TMEM131: variants seen among roughly 807,000 people sequenced by gnomAD.
The protein encoded by TMEM131 is transmembrane protein 131.
TMEM131 carries 66 observed loss-of-function variants against 211.6 expected under a neutral mutation model. The observed-to-expected ratio is 0.31, with a 90% CI of 0.26 to 0.38. The LOEUF (loss-of-function observed/expected upper bound fraction) is 0.38. TMEM131 is among the 10% of genes least tolerant of loss of function. TMEM131 has a pLI of 1.00. For synonymous variants in TMEM131, 844 were observed against 841.3 expected (o/e 1.00, Z -0.06); for missense variants, 2,036 against 2,299.3 (o/e 0.89, Z 2.34).
At chr2:97,881,566 CCCT>C (rs1310048600) in intron 4 of TMEM131, among the ~76,000 whole-genome samples, 10 of 151,896 alleles carry the variant, frequency 6.6e-5, no homozygotes, top group Admixed American at 5.2e-4. Flanking sequence ...AGTTGACCTG[CCCT>C]CCTGTTACAG....
rs747324033 is a variant in TMEM131 at position 97,772,382 on chromosome 2, G to T, written c.4363C>A (p.His1455Asn). The change falls in exon 33 of 41, where the codon CAT becomes AAT. Residue 1455 changes from histidine (H) to asparagine (N), a missense_variant. His to Asn is a moderately conservative substitution (Grantham distance 68, BLOSUM62 1). Transcript: ENST00000186436. The stretch of plus-strand genomic sequence containing the variant: ...TTCACTTGAGACATTTCACTTTCAT[G>T]TTTTTCAGGCATGGCTTGTTTTCCC... The part of the protein sequence containing the change: ...QKGKQAMPEK[H>N]ESEMSQVKQK... The T allele has an allele frequency of 6.2e-7, 1 of 1,609,998 alleles. No homozygotes were observed. Among genetic ancestry groups the T allele is most frequent in the South Asian group, 1.1e-5 (1 of 89,594 alleles).
intron 3 of TMEM131, among the ~76,000 whole-genome samples, chr2:97,903,795 T>C (rs946864866): frequency 4.6e-5 from 7 of 152,170 alleles, no homozygotes; most frequent in Non-Finnish European, 1.0e-4. Flanking sequence ...GCAATTCTCC[T>C]GTCACAGCCT....
chr2:97,802,292 T>C (rs964565624), intron 24 of TMEM131, 136 bp downstream of exon 24: 1 of 733,914 alleles, frequency 1.4e-6, no homozygotes. Flanking sequence ...CCTAAAACCT[T>C]CTCTCAACCT....
intron 6 of TMEM131, among the ~76,000 whole-genome samples, chr2:97,842,974 GAC>G (rs1447835027): frequency 6.6e-6 from 1 of 151,140 alleles, no homozygotes; most frequent in African/African-American, 2.4e-5. Context: ...ATAAGCAGAA[GAC>G]ACAGTCCTTA....
intron 5 of TMEM131, among the ~76,000 whole-genome samples, chr2:97,855,368 C>A (rs886380670): frequency 6.6e-6 from 1 of 152,140 alleles, no homozygotes; most frequent in Non-Finnish European, 1.5e-5. Flanking sequence ...TATTAATATA[C>A]CCAAATAAAT....
At chr2:97,796,119 C>T in intron 28 of TMEM131, 99 bp downstream of exon 28, 1 of 617,778 alleles carries the variant, frequency 1.6e-6, no homozygotes, top group Non-Finnish European at 2.6e-6. Context: ...CAAATGAATG[C>T]ATTTGTGGAT....
intron 4 of TMEM131, among the ~76,000 whole-genome samples, chr2:97,870,773 G>C (rs759349916): frequency 6.6e-6 from 1 of 152,218 alleles, no homozygotes; most frequent in Non-Finnish European, 1.5e-5. Context: ...TGGGCAGGAA[G>C]TCGGGTCAAA....
At chr2:97,783,923 A>G (rs929106072) in intron 31 of TMEM131, among the ~76,000 whole-genome samples, 2 of 152,024 alleles carry the variant, frequency 1.3e-5, no homozygotes, top group African/African-American at 4.8e-5. Context: ...AAAATCATGG[A>G]AACATTAATT....
intron 1 of TMEM131, among the ~76,000 whole-genome samples, chr2:97,980,850 A>G (rs1679756173): frequency 6.6e-6 from 1 of 152,060 alleles, no homozygotes; most frequent in African/African-American, 2.4e-5. Context: ...CATTTATATG[A>G]CATTCTCAAA....
At chr2:97,835,255 G>A (rs1273396360) in intron 8 of TMEM131, among the ~76,000 whole-genome samples, 1 of 152,148 alleles carries the variant, frequency 6.6e-6, no homozygotes, top group Non-Finnish European at 1.5e-5. Context: ...TTTTTAATAT[G>A]CTAGTTAGTG....
chr2:97,806,049 G>A (rs534206607), intron 19 of TMEM131, among the ~76,000 whole-genome samples: 2 of 152,328 alleles, frequency 1.3e-5, no homozygotes, highest in East Asian at 3.9e-4. Context: ...GTTACTTTCA[G>A]TTTGGTAAGC....
intron 1 of TMEM131, among the ~76,000 whole-genome samples, chr2:97,974,747 T>C (rs1188587633): frequency 2.0e-5 from 3 of 150,546 alleles, no homozygotes; most frequent in African/African-American, 4.9e-5. Context: ...TGTAATTCTA[T>C]AGCAAATAAA....
At chr2:97,779,252 A>G (rs770503250) in intron 31 of TMEM131, among the ~76,000 whole-genome samples, 4 of 152,216 alleles carry the variant, frequency 2.6e-5, no homozygotes, top group Non-Finnish European at 4.4e-5. Flanking sequence ...TTGGATACCC[A>G]AAAGTTCAAA....
intron 1 of TMEM131, among the ~76,000 whole-genome samples, chr2:97,956,822 G>A: frequency 6.6e-6 from 1 of 151,944 alleles, no homozygotes; most frequent in African/African-American, 2.4e-5. Context: ...ACAGCGGCTG[G>A]GCACGGTGGC....
intron 1 of TMEM131, among the ~76,000 whole-genome samples, chr2:97,951,193 A>C (rs1033619399): frequency 6.6e-6 from 1 of 152,230 alleles, no homozygotes; most frequent in East Asian, 1.9e-4. Context: ...TTAGAAAAAC[A>C]TGGAGTCAGT....
intron 14 of TMEM131, 40 bp downstream of exon 14, chr2:97,814,195 A>G: frequency 6.2e-7 from 1 of 1,610,982 alleles, no homozygotes; most frequent in Non-Finnish European, 8.5e-7. Flanking sequence ...CCTAGTTGGT[A>G]GACCAGGAAA....
At chr2:97,826,557 A>G (rs1200174911) in intron 11 of TMEM131, among the ~76,000 whole-genome samples, 2 of 152,134 alleles carry the variant, frequency 1.3e-5, no homozygotes, top group African/African-American at 4.8e-5. Context: ...AAGGAAAGAG[A>G]GAAAGAGACA....
At chr2:97,790,283 T>C (rs1356313838) in intron 31 of TMEM131, among the ~76,000 whole-genome samples, 1 of 152,202 alleles carries the variant, frequency 6.6e-6, no homozygotes, top group Non-Finnish European at 1.5e-5. Context: ...TCTGTCTATA[T>C]GCATGCTATA....
At position 97,869,777 on chromosome 2, in the gene TMEM131, T is replaced by C. The variant is rs1455032955; in HGVS notation, c.360-10350A>G. 2.0e-5 allele frequency among the ~76,000 whole-genome samples: 3 copies of C among 152,230 alleles called. No homozygotes were observed. In the East Asian group the frequency reaches 5.8e-4, roughly 29 times the overall value. Reference sequence around the variant, plus strand: ...ACCATGGAAAGTACATGACCATTTGTAAACTCACAATGTGTTGCTTTTCTA... The same window carrying C: ...ACCATGGAAAGTACATGACCATTTGCAAACTCACAATGTGTTGCTTTTCTA... On this transcript the variant is annotated intron_variant, in intron 4 of 40. Coordinates refer to ENST00000186436, the MANE Select transcript of TMEM131 (RefSeq NM_015348.2).
Sources: allele counts gnomAD v4.1 joint callset (sites outside exome capture counted in the v4.1 genomes callset), GRCh38; gene constraint gnomAD v4.1.1; transcripts MANE v1.5; gene names NCBI Gene and HGNC (gene_info 2026-07-23, HGNC 2026-07-21).